PCDH15: variants seen among roughly 807,000 people sequenced by gnomAD.
The protein encoded by PCDH15 is protocadherin-15.
Under a neutral mutation model 178.5 loss-of-function variants are expected in PCDH15, and 129 were observed. The observed-to-expected ratio is 0.72, with a 90% CI of 0.63 to 0.84. The LOEUF is 0.84. Ranked by LOEUF, PCDH15 falls within the 40% of genes least tolerant of loss-of-function variation. PCDH15 has a pLI of 0.00. For missense variants in PCDH15, 2,230 were observed against 2,099.9 expected (o/e 1.06, Z -1.21); for synonymous variants, 800 against 732.0 (o/e 1.09, Z -1.50).
At chr10:54,286,415 C>A (rs1045127464) in intron 8 of PCDH15, among the ~76,000 whole-genome samples, 4 of 151,074 alleles carry the variant, frequency 2.6e-5, no homozygotes, top group African/African-American at 4.9e-5. Context: ...TTTTTTTTTC[C>A]ATTTTGCCAA....
chr10:53,851,721 TA>T (rs1445156123), intron 28 of PCDH15, among the ~76,000 whole-genome samples: 33 of 106,570 alleles, frequency 3.1e-4, no homozygotes, highest in Non-Finnish European at 6.5e-4. Context: ...TATATATATA[TA>T]TTTACACACA....
intron 2 of PCDH15, among the ~76,000 whole-genome samples, chr10:55,003,070 ACATATGTTGT>A (rs1459820955): frequency 8.5e-5 from 13 of 152,232 alleles, no homozygotes; most frequent in African/African-American, 3.1e-4. Flanking sequence ...ATATGTTTTA[ACATATGTTGT>A]CAGTAATGAT....
chr10:54,959,510 C>G lies in PCDH15; in HGVS notation c.-79-62010G>C, dbSNP rs142728065. Among the ~76,000 whole-genome samples, 705 of 152,042 alleles carry G rather than the reference C, an allele frequency of 4.6e-3. 5 individuals carry two copies. The highest frequency in any genetic ancestry group is 7.3e-3 in the Non-Finnish European group (492 of 67,860). On this transcript the variant is annotated intron_variant, in intron 2 of 5. Transcript: ENST00000458638. Reference sequence around the variant, plus strand: ...AAGGTTAAGCAGCAAAAGCTACTTGCTAAGATCCACAGAAAAACTTATCTT... The same window carrying G: ...AAGGTTAAGCAGCAAAAGCTACTTGGTAAGATCCACAGAAAAACTTATCTT...
chr10:55,306,954 A>C (rs1172910148), intron 1 of PCDH15, among the ~76,000 whole-genome samples: 1 of 152,008 alleles, frequency 6.6e-6, no homozygotes, highest in African/African-American at 2.4e-5. Flanking sequence ...AGAAACTAAA[A>C]TATTAAGGCA....
chr10:55,469,763 A>T (rs1394913499), intron 2 of PCDH15, among the ~76,000 whole-genome samples: 2 of 152,016 alleles, frequency 1.3e-5, no homozygotes, highest in African/African-American at 4.8e-5. Context: ...TGTTTATTAT[A>T]TTGCCACAAC....
At chr10:54,855,994 G>A (rs1220959600) in intron 3 of PCDH15, among the ~76,000 whole-genome samples, 1 of 152,142 alleles carries the variant, frequency 6.6e-6, no homozygotes, top group Non-Finnish European at 1.5e-5. Context: ...CAAATAAACT[G>A]TTTGAGGAAT....
At chr10:54,592,123 A>T (rs2091925808) in intron 2 of PCDH15, among the ~76,000 whole-genome samples, 1 of 152,128 alleles carries the variant, frequency 6.6e-6, no homozygotes, top group Non-Finnish European at 1.5e-5. Context: ...ATGCATGGGT[A>T]TTTTCTTCTG....
chr10:55,159,043 A>G (rs1017878787), intron 2 of PCDH15, among the ~76,000 whole-genome samples: 2 of 152,048 alleles, frequency 1.3e-5, no homozygotes, highest in Non-Finnish European at 2.9e-5. Flanking sequence ...TCATTTTAAA[A>G]ATGATGAAAG....
At chr10:54,972,439 CTT>C (rs1214931719) in intron 2 of PCDH15, among the ~76,000 whole-genome samples, 1 of 152,054 alleles carries the variant, frequency 6.6e-6, no homozygotes, top group Non-Finnish European at 1.5e-5. Flanking sequence ...ACTCAGGAGA[CTT>C]AGGCAGGAGA....
chr10:54,617,284 A>G (rs2093195248), intron 2 of PCDH15, among the ~76,000 whole-genome samples: 1 of 152,046 alleles, frequency 6.6e-6, no homozygotes, highest in Non-Finnish European at 1.5e-5. Context: ...TGAGCAACCA[A>G]CTGATCAAAT....
At chr10:54,388,647 A>T (rs534265616) in intron 3 of PCDH15, among the ~76,000 whole-genome samples, 1 of 152,292 alleles carries the variant, frequency 6.6e-6, no homozygotes, top group African/African-American at 2.4e-5. Context: ...TTGTAGTAAC[A>T]TTATTGGATT....
chr10:54,096,065 T>C (rs565513575), intron 15 of PCDH15, among the ~76,000 whole-genome samples: 1 of 152,254 alleles, frequency 6.6e-6, no homozygotes, highest in Admixed American at 6.5e-5. Context: ...ATTTTACACA[T>C]AATAAAATCT....
rs1379005586 is a variant in PCDH15 at position 53,832,023 on chromosome 10, G to GCC, written c.3984-491_3984-490insGG. On this transcript the variant is annotated intron_variant, in intron 29 of 37. Transcript: ENST00000644397. ...AAACAAATCTGAGGCACCAAACTAA[G>GCC]ATTTCAGACTCAAACTCTGTATTTG... Among the ~76,000 whole-genome samples the GCC allele has an allele frequency of 7.0e-4, 106 of 151,274 alleles. 2 individuals are homozygous for GCC. Among genetic ancestry groups the GCC allele is most frequent in the African/African-American group, 2.6e-3 (104 of 40,688 alleles).
intron 1 of PCDH15, among the ~76,000 whole-genome samples, chr10:55,313,182 C>A (rs1381438571): frequency 6.6e-6 from 1 of 151,934 alleles, no homozygotes; most frequent in Non-Finnish European, 1.5e-5. Context: ...CATATATATT[C>A]CAAATGTCTC....
intron 3 of PCDH15, among the ~76,000 whole-genome samples, chr10:54,438,015 T>C (rs1193589121): frequency 6.6e-6 from 1 of 152,110 alleles, no homozygotes; most frequent in African/African-American, 2.4e-5. Flanking sequence ...TGAAAGACAA[T>C]AAATCTATTT....
intron 2 of PCDH15, among the ~76,000 whole-genome samples, chr10:55,383,392 C>T (rs375915955): frequency 6.6e-6 from 1 of 152,098 alleles, no homozygotes; most frequent in Non-Finnish European, 1.5e-5. Context: ...GCATGGCGGG[C>T]TGGGGTGGTT....
intron 8 of PCDH15, among the ~76,000 whole-genome samples, chr10:54,315,587 T>C (rs1203024939): frequency 1.3e-5 from 2 of 152,138 alleles, no homozygotes; most frequent in Admixed American, 1.3e-4. Context: ...TGGTTCTTTG[T>C]TACAAAATCT....
chr10:54,436,010 AGG>A (rs1565270087), intron 3 of PCDH15, among the ~76,000 whole-genome samples: 14 of 59,956 alleles, frequency 2.3e-4, no homozygotes, highest in African/African-American at 1.3e-3. Flanking sequence ...AGAAGAGGAG[AGG>A]AGAGGAGAGG....
At chr10:55,607,389 C>A (rs1399836008) in intron 2 of PCDH15, among the ~76,000 whole-genome samples, 1 of 141,224 alleles carries the variant, frequency 7.1e-6, no homozygotes, top group Non-Finnish European at 1.5e-5. Context: ...CCAGCCATCC[C>A]ATTACTGGGT....
Sources: gnomAD v4.1 joint callset for allele counts (sites outside exome capture counted in the v4.1 genomes callset) on GRCh38, gnomAD v4.1.1 for gene constraint, MANE v1.5 for transcripts, NCBI Gene and HGNC (gene_info 2026-07-23, HGNC 2026-07-21) for gene names.